Variants in NOMO1 observed in about 807,000 individuals in gnomAD.
NOMO1 encodes NODAL modulator 1, also known as nodal modulator 3.
In NOMO1, 40 loss-of-function variants were observed where a neutral mutation model predicts 133.8. The observed-to-expected ratio is 0.30, with a 90% CI of 0.23 to 0.39. NOMO1 has a LOEUF of 0.39. Ranked by LOEUF, NOMO1 falls within the 10% of genes least tolerant of loss-of-function variation. The pLI is 1.00. For synonymous variants in NOMO1, 236 were observed against 570.5 expected, an observed-to-expected ratio of 0.41 and a Z score of 8.36; for missense variants, 462 against 1,419.9, an observed-to-expected ratio of 0.33 and a Z score of 10.84.
chr16:14,871,934 T>C (rs925900433), intron 17 of NOMO1, among the ~76,000 whole-genome samples: 2 of 151,728 alleles, frequency 1.3e-5, no homozygotes, highest in African/African-American at 2.4e-5. Context: ...GTGCCTTAAA[T>C]AGAAGCTTTG....
intron 28 of NOMO1, 102 bp downstream of exon 28, chr16:14,886,964 C>G (rs1964334640): frequency 1.4e-6 from 2 of 1,471,640 alleles, no homozygotes; most frequent in Non-Finnish European, 1.9e-6. Context: ...AAATACCACT[C>G]TGCAGAAATA....
intron 28 of NOMO1, among the ~76,000 whole-genome samples, chr16:14,887,204 A>C (rs1339275890): frequency 6.6e-6 from 1 of 152,096 alleles, no homozygotes; most frequent in East Asian, 1.9e-4. Flanking sequence ...TATTTTAATA[A>C]TTCAAAACTG....
chr16:14,877,715 G>A (rs1964181883), intron 22 of NOMO1, among the ~76,000 whole-genome samples: 1 of 149,354 alleles, frequency 6.7e-6, no homozygotes, highest in Admixed American at 6.7e-5. Context: ...TCGAAACACT[G>A]TTTTGCAGGG....
intron 1 of NOMO1, among the ~76,000 whole-genome samples, chr16:14,835,908 C>G (rs1038629251): frequency 2.0e-5 from 3 of 151,858 alleles, no homozygotes; most frequent in African/African-American, 7.3e-5. Context: ...GAAGCCTTGT[C>G]CCCAGTGTGG....
At chr16:14,891,149 CAG>C (rs1051310455) in intron 29 of NOMO1, among the ~76,000 whole-genome samples, 6 of 150,380 alleles carry the variant, frequency 4.0e-5, no homozygotes, top group Non-Finnish European at 7.4e-5. Context: ...TTTTCCCCAA[CAG>C]AGTATTTTGT....
rs1309514392 is a variant in NOMO1, at chr16:14,886,636, T to G, written c.3223-125T>G. On this transcript the variant is annotated intron_variant, in intron 27 of 30. Transcript: ENST00000287667. ...TGTGTGATGTCTATGGAGGGAGCTT[T>G]CTTTTTCAAATATCCATGTTTCCAA... is the stretch of plus-strand genomic sequence containing the variant. 5.4e-6 allele frequency: 8 copies of G among 1,478,120 alleles called. No homozygotes were observed. The Admixed American group carries it at 5.5e-5, about 10-fold the overall frequency. The allele number at this position is 1,478,120 out of a possible 1,614,324, so 91.6% of individuals were successfully genotyped here.
At chr16:14,879,371 T>C (rs1487747467) in intron 23 of NOMO1, among the ~76,000 whole-genome samples, 1 of 151,882 alleles carries the variant, frequency 6.6e-6, no homozygotes, top group Non-Finnish European at 1.5e-5. Context: ...GACACCACTT[T>C]GCAGTGATGC....
chr16:14,869,999 G>A (rs914107607), intron 16 of NOMO1, among the ~76,000 whole-genome samples: 1 of 151,320 alleles, frequency 6.6e-6, no homozygotes, highest in African/African-American at 2.4e-5. Context: ...TAATTCAGTG[G>A]CTCCTCTGTT....
At chr16:14,864,519 G>A (rs1385766737) in intron 12 of NOMO1, 66 bp from the exon 13 acceptor site, 39 of 1,604,278 alleles carry the variant, frequency 2.4e-5, no homozygotes, top group Admixed American at 1.7e-4. Context: ...ATGTTCTAGC[G>A]CCCTGTAGGT....
At position 14,866,626 on chromosome 16, in the gene NOMO1, T is replaced by C. The variant is rs1963999936; in HGVS notation, c.1741T>C (p.Ser581Pro). ...GGTGGAAGTGCTGGAGGATGACATG[T>C]CTGCAGTTGAGTTCAGGCAGACGGG... Reference protein sequence around the residue: ...LEVEVLEDDMSAVEFRQTGYM... With the variant: ...LEVEVLEDDMPAVEFRQTGYM... The change falls in exon 15 of 31, where the codon TCT becomes CCT. Residue 581 changes from serine (S) to proline (P), a missense_variant. Ser to Pro is a moderately conservative substitution (Grantham distance 74, BLOSUM62 -1). Coordinates refer to ENST00000287667, the MANE Select transcript of NOMO1 (RefSeq NM_014287.4). The C allele has an allele frequency of 1.2e-6, 2 of 1,609,794 alleles. No homozygotes were observed. Among genetic ancestry groups the C allele is most frequent in the Non-Finnish European group, 1.7e-6 (2 of 1,179,688 alleles).
chr16:14,885,775 A>T (rs1314145195), intron 27 of NOMO1, among the ~76,000 whole-genome samples: 1 of 151,860 alleles, frequency 6.6e-6, no homozygotes, highest in African/African-American at 2.4e-5. Context: ...CTGTGCTAGA[A>T]TTGAGGCTCA....
intron 15 of NOMO1, 44 bp downstream of exon 15, chr16:14,866,735 C>T: frequency 6.2e-7 from 1 of 1,609,748 alleles, no homozygotes; most frequent in Non-Finnish European, 8.5e-7. Context: ...AAGCGCTCGC[C>T]TTGTGGATGT....
intron 3 of NOMO1, among the ~76,000 whole-genome samples, chr16:14,841,763 T>A (rs1963607209): frequency 6.6e-6 from 1 of 151,944 alleles, no homozygotes; most frequent in Non-Finnish European, 1.5e-5. Context: ...CTCAGTTTTT[T>A]AAGTTTTTAT....
chr16:14,885,626 C>T (rs1400937342), intron 27 of NOMO1, among the ~76,000 whole-genome samples: 1 of 147,026 alleles, frequency 6.8e-6, no homozygotes, highest in Non-Finnish European at 1.5e-5. Context: ...AGGGACCAGG[C>T]AGGTAATGTC....
chr16:14,879,178 C>T (rs1441340711), intron 23 of NOMO1, among the ~76,000 whole-genome samples: 2 of 151,792 alleles, frequency 1.3e-5, no homozygotes, highest in South Asian at 2.1e-4. Context: ...GGTTAGCTTG[C>T]GTTTCTTCTG....
chr16:14,874,930 A>G (rs1395745878), intron 18 of NOMO1, 106 bp from the exon 19 acceptor site: 2 of 884,206 alleles, frequency 2.3e-6, no homozygotes, highest in African/African-American at 3.4e-5. Flanking sequence ...TGGTGTCATG[A>G]TAAGATGTCC....
chr16:14,833,747 G>A lies in NOMO1; in HGVS notation c.-105G>A, dbSNP rs1490025088. ...GCTCTGGCGGCGGCGGTGGGGCGGG[G>A]CCTGGGCTGTCAGCCGGCCTAGGAG... On this transcript the variant is annotated 5_prime_UTR_variant, in exon 1 of 31. Coordinates refer to ENST00000287667, the MANE Select transcript of NOMO1 (RefSeq NM_014287.4). 922 of 1,033,202 alleles carry A rather than the reference G, an allele frequency of 8.9e-4. 3 individuals are homozygous for A. Among genetic ancestry groups the A allele is most frequent in the Non-Finnish European group, 1.1e-3 (869 of 793,010 alleles). 64.0% of individuals were successfully genotyped at this position (1,033,202 alleles called of 1,614,324 possible).
chr16:14,853,638 T>G, intron 8 of NOMO1, 34 bp downstream of exon 8: 2 of 1,611,582 alleles, frequency 1.2e-6, no homozygotes, highest in Non-Finnish European at 1.7e-6. Context: ...TGTTTATGTC[T>G]GAGACTCTCA....
In NOMO1 at chr16:14,886,879, G is replaced by T; in HGVS notation, c.3324+17G>T. On this transcript the variant is annotated intron_variant, in intron 28 of 30. Coordinates refer to ENST00000287667, the MANE Select transcript of NOMO1 (RefSeq NM_014287.4). ...GACGGCGAGGTAATGCCTGTGGCCG[G>T]ATTCTACCTTCTGCCTTTGTTTTAA... is the stretch of plus-strand genomic sequence containing the variant. 9 of 1,611,500 alleles carry T rather than the reference G, an allele frequency of 5.6e-6. No individual in the cohort carries two copies. The highest frequency in any genetic ancestry group is 6.8e-6 in the Non-Finnish European group (8 of 1,179,582).
Sources: allele counts gnomAD v4.1 joint callset (sites outside exome capture counted in the v4.1 genomes callset), GRCh38; gene constraint gnomAD v4.1.1; transcripts MANE v1.5; gene names NCBI Gene and HGNC (gene_info 2026-07-23, HGNC 2026-07-21).